Variants in STMN2 observed in about 807,000 individuals in gnomAD.
The protein encoded by STMN2 is stathmin 2.
STMN2 carries 2 observed loss-of-function variants against 24.1 expected under a neutral mutation model. That is an observed-to-expected ratio of 0.08 (90% CI 0.03 to 0.26). The LOEUF (loss-of-function observed/expected upper bound fraction) is 0.26, where lower values mean the gene tolerates loss of function less well. STMN2 is among the 10% of genes least tolerant of loss of function. STMN2 has a pLI of 1.00. For synonymous variants in STMN2, 83 were observed against 77.5 expected (o/e 1.07, Z -0.37); for missense variants, 114 against 213.6 (o/e 0.53, Z 2.91).
At chr8:79,649,173 G>A (rs1371029395) in intron 3 of STMN2, among the ~76,000 whole-genome samples, 1 of 152,030 alleles carries the variant, frequency 6.6e-6, no homozygotes. Context: ...GGAAAGAGGG[G>A]GTGGTTTGTA....
intron 1 of STMN2, among the ~76,000 whole-genome samples, chr8:79,616,786 CTT>C (rs1169222402): frequency 6.6e-6 from 1 of 152,132 alleles, no homozygotes; most frequent in East Asian, 1.9e-4. Flanking sequence ...ATCACTCTCT[CTT>C]AATTGGATTT....
intron 2 of STMN2, among the ~76,000 whole-genome samples, chr8:79,637,847 C>T (rs376315113): frequency 9.2e-5 from 14 of 152,122 alleles, no homozygotes; most frequent in African/African-American, 3.4e-4. Flanking sequence ...ACAAACTGAC[C>T]TTGTGGCAGT....
chr8:79,623,252 A>G (rs1809561399), intron 1 of STMN2, among the ~76,000 whole-genome samples: 1 of 152,250 alleles, frequency 6.6e-6, no homozygotes, highest in Admixed American at 6.5e-5. Context: ...CGCCTTTACA[A>G]TCAATAGTGT....
intron 3 of STMN2, among the ~76,000 whole-genome samples, chr8:79,651,457 G>A (rs914878878): frequency 1.3e-5 from 2 of 152,084 alleles, no homozygotes; most frequent in Non-Finnish European, 2.9e-5. Context: ...ATTCATAATG[G>A]AAACCACAGG....
intron 1 of STMN2, among the ~76,000 whole-genome samples, chr8:79,623,359 T>A (rs1227982237): frequency 6.6e-6 from 1 of 152,166 alleles, no homozygotes; most frequent in East Asian, 1.9e-4. Flanking sequence ...TCTTGTGAAA[T>A]CAAATTAGTA....
chr8:79,624,024 A>G (rs1176352071), intron 1 of STMN2, among the ~76,000 whole-genome samples: 1 of 152,236 alleles, frequency 6.6e-6, no homozygotes, highest in African/African-American at 2.4e-5. Flanking sequence ...CATTGAAGAA[A>G]TATTGAACTA....
chr8:79,664,817 G>C lies in STMN2; in HGVS notation c.483G>C (p.Glu161Asp), dbSNP rs757354648. Residue 161 changes from glutamate to aspartate, a missense_variant and splice_region_variant, in exon 5 of 5, where the codon GAG becomes GAC. Glu to Asp is a conservative substitution (Grantham distance 45, BLOSUM62 2). Transcript: ENST00000220876. ...CTTCTTCCTTTTGTGTTTTTTAGGA[G>C]AGGCATGCTGCGGAGGTGCGCAGGA... ...AAIIERLQEKERHAAEVRRNK... is the reference protein window; with the variant it reads ...AAIIERLQEKDRHAAEVRRNK... 6.2e-7 allele frequency: 1 copy of C among 1,612,490 alleles called. No individual in the cohort carries two copies. Among genetic ancestry groups the C allele is most frequent in the African/African-American group, 1.3e-5 (1 of 74,906 alleles).
chr8:79,649,108 C>A (rs996034260), intron 3 of STMN2, among the ~76,000 whole-genome samples: 6 of 152,130 alleles, frequency 3.9e-5, no homozygotes, highest in Non-Finnish European at 8.8e-5. Flanking sequence ...GATAGACTTA[C>A]CTTTTCCATT....
chr8:79,654,820 G>C, intron 3 of STMN2, 51 bp from the exon 4 acceptor site: 2 of 1,576,820 alleles, frequency 1.3e-6, no homozygotes. Flanking sequence ...CCGTTATTCT[G>C]CTAGGTTTGT....
chr8:79,617,995 A>C (rs1408120532), intron 1 of STMN2, among the ~76,000 whole-genome samples: 1 of 152,250 alleles, frequency 6.6e-6, no homozygotes, highest in African/African-American at 2.4e-5. Flanking sequence ...TCACACAGTT[A>C]GTCAGATCCA....
In STMN2 at chr8:79,611,141, T is replaced by G. The variant is rs976006132; in HGVS notation, c.-55T>G. On this transcript the variant is annotated 5_prime_UTR_variant, in exon 1 of 5. Transcript: ENST00000220876. The stretch of plus-strand genomic sequence containing the variant: ...CAGTCTTCTCTCTCGCTCTCTCCGC[T>G]GCTGTAGCCGGACCCTTTGCCTTCG... 1.2e-5 allele frequency: 20 copies of G among 1,613,148 alleles called. No individual in the cohort carries two copies. Among genetic ancestry groups the G allele is most frequent in the Admixed American group, 6.7e-5 (4 of 59,950 alleles).
chr8:79,624,137 G>A (rs78260664), intron 1 of STMN2, among the ~76,000 whole-genome samples: 12,695 of 152,074 alleles, frequency 0.083, 593 homozygotes, highest in East Asian at 0.2. Context: ...TATGGATTGT[G>A]GCAAGCTATA....
Position 79,663,557 on chromosome 8 carries a change from T to A in STMN2, c.481-1258T>A, listed in dbSNP as rs1466769646. 2.1e-6 allele frequency: 3 copies of A among 1,456,468 alleles called. No homozygotes were observed. In the South Asian group the frequency reaches 3.9e-5, roughly 19 times the overall value. The allele number at this position is 1,456,468 out of a possible 1,614,324, so 90.2% of individuals were successfully genotyped here. A position where few individuals can be genotyped will look rare whatever the true frequency, so the allele number is the denominator to read the frequency against. ...TAGACTCCTTGAGATTAATAGAGTT[T>A]AACGATAAGTTTTACTTTATAGCTG... On this transcript the variant is annotated intron_variant, in intron 4 of 4. Coordinates refer to ENST00000220876, the MANE Select transcript of STMN2 (RefSeq NM_007029.4).
intron 2 of STMN2, among the ~76,000 whole-genome samples, chr8:79,640,568 A>T (rs550330656): frequency 5.3e-5 from 8 of 152,310 alleles, no homozygotes; most frequent in African/African-American, 1.9e-4. Context: ...AGCCGAGTAC[A>T]CTAGAGGAGG....
At chr8:79,631,450 T>A in intron 1 of STMN2, 1 of 985,076 alleles carries the variant, frequency 1.0e-6, no homozygotes, top group Non-Finnish European at 1.2e-6. Context: ...AGAATCTAAT[T>A]TTATTCTAAA....
chr8:79,612,145 A>G (rs1391084766), intron 1 of STMN2, among the ~76,000 whole-genome samples: 3 of 144,950 alleles, frequency 2.1e-5, no homozygotes, highest in African/African-American at 5.1e-5. Flanking sequence ...CAGGAGCCCA[A>G]CCCTGCGGGG....
intron 3 of STMN2, among the ~76,000 whole-genome samples, chr8:79,649,560 G>T (rs1356741963): frequency 6.6e-6 from 1 of 152,102 alleles, no homozygotes; most frequent in Non-Finnish European, 1.5e-5. Context: ...CAGCAGTAAA[G>T]TCAATAATTA....
intron 4 of STMN2, among the ~76,000 whole-genome samples, chr8:79,659,465 T>C (rs879865306): frequency 6.6e-6 from 1 of 152,140 alleles, no homozygotes; most frequent in Non-Finnish European, 1.5e-5. Flanking sequence ...ATTTTCTTCC[T>C]CCCCTGATGT....
intron 1 of STMN2, among the ~76,000 whole-genome samples, chr8:79,614,373 G>A (rs182087212): frequency 6.8e-4 from 104 of 152,266 alleles, no homozygotes; most frequent in African/African-American, 2.0e-3. Flanking sequence ...AATGAAGTGG[G>A]CACCTTCTGA....
Sources: gnomAD v4.1 joint callset for allele counts (sites outside exome capture counted in the v4.1 genomes callset) on GRCh38, gnomAD v4.1.1 for gene constraint, MANE v1.5 for transcripts, NCBI Gene and HGNC (gene_info 2026-07-23, HGNC 2026-07-21) for gene names.